Variants in MRPL34 observed in about 807,000 individuals in gnomAD.
MRPL34 encodes the protein mitochondrial ribosomal protein L34.
In MRPL34, 8 loss-of-function variants were observed where a neutral mutation model predicts 6.7. That is an observed-to-expected ratio of 1.20 (90% CI 0.70 to 2.16). MRPL34 has a LOEUF of 2.16. Among genes scored for constraint, MRPL34 ranks in the 30% most tolerant of loss-of-function variants. MRPL34 has a pLI of 0.00. For missense variants in MRPL34, 146 were observed against 125.5 expected (o/e 1.16, Z -0.78); for synonymous variants, 59 against 55.1 (o/e 1.07, Z -0.31).
At chr19:17,292,608 G>A (rs1272402403), upstream of MRPL34, 4 of 1,538,978 alleles carry the variant, frequency 2.6e-6, no homozygotes, top group African/African-American at 1.4e-5. Context: ...GCAGGCTCGG[G>A]CCTCCTCCTG....
upstream of MRPL34, chr19:17,301,356 A>G (rs2074117331): frequency 1.2e-6 from 2 of 1,610,012 alleles, no homozygotes; most frequent in African/African-American, 1.3e-5. Flanking sequence ...GCAACCGCCC[A>G]TTGCGGTACA....
chr19:17,295,242 A>G (rs2074088758), intron 1 of MRPL34, among the ~76,000 whole-genome samples: 1 of 151,868 alleles, frequency 6.6e-6, no homozygotes, highest in Non-Finnish European at 1.5e-5. Context: ...AGTAGCTGGG[A>G]CTACAGGCGC....
At chr19:17,294,157 C>G (rs2074082778) in intron 1 of MRPL34, 1 of 1,161,618 alleles carries the variant, frequency 8.6e-7, no homozygotes, top group Admixed American at 2.5e-5. Context: ...GCCACGCCCA[C>G]CCGGCAGCCA....
upstream of MRPL34, among the ~76,000 whole-genome samples, chr19:17,299,427 A>G (rs1406321937): frequency 2.0e-5 from 3 of 151,932 alleles, no homozygotes; most frequent in Non-Finnish European, 4.4e-5. Context: ...CAGGCATGGT[A>G]GCGGGTGCCT....
upstream of MRPL34, chr19:17,301,393 A>G: frequency 3.1e-6 from 5 of 1,611,850 alleles, no homozygotes; most frequent in Non-Finnish European, 4.2e-6. Context: ...ACAGCGGACC[A>G]AGCCGGAGAG....
chr19:17,292,902 C>A, intron 1 of MRPL34: 1 of 1,506,926 alleles, frequency 6.6e-7, no homozygotes, highest in South Asian at 1.2e-5. Flanking sequence ...CCCTGGGACT[C>A]CGCCATACAC....
intron 1 of MRPL34, among the ~76,000 whole-genome samples, chr19:17,295,250 C>T (rs868437962): frequency 1.3e-5 from 2 of 151,918 alleles, no homozygotes; most frequent in Admixed American, 6.6e-5. Context: ...GGACTACAGG[C>T]GCCCGCCACC....
chr19:17,299,240 C>CCT (rs149212694), upstream of MRPL34, among the ~76,000 whole-genome samples: 1 of 147,918 alleles, frequency 6.8e-6, no homozygotes, highest in Non-Finnish European at 1.5e-5. Flanking sequence ...TGAGACCCCC[C>CCT]CCCCATTCTC....
upstream of MRPL34, chr19:17,302,840 A>T (rs1479850505): frequency 2.0e-5 from 3 of 152,026 alleles, no homozygotes; most frequent in Non-Finnish European, 4.4e-5. Context: ...AGGGGGGGAT[A>T]CCCGAGCAGT....
Position 17,294,501 on chromosome 19 carries a change from G to T in MRPL34, c.214+1647G>T, listed in dbSNP as rs370502455. ...CCTTGGCTCCTTGGCGGGCGAAGCC[G>T]GCCCTGGTGGTGGTGGAGGCACCGC... On this transcript the variant is annotated intron_variant, in intron 1 of 2. Transcript: ENST00000595444. 2.5e-6 allele frequency: 4 copies of T among 1,613,640 alleles called. No individual in the cohort carries two copies. In the Admixed American group the frequency reaches 5.0e-5, roughly 20 times the overall value.
In MRPL34 at chr19:17,306,360, G is replaced by T. The variant is rs550266179; in HGVS notation, c.260G>T (p.Arg87Leu). The T allele has an allele frequency of 5.6e-6, 9 of 1,601,636 alleles. No homozygotes were observed. The highest frequency in any genetic ancestry group is 7.7e-6 in the Non-Finnish European group (9 of 1,175,656). ...QVILRRMLKG[R>L]KSLSH ...ATCCTTCGCCGAATGCTCAAGGGCC[G>T]CAAGTCGCTGAGCCATTGAGGATCG... Residue 87 changes from arginine to leucine, a missense_variant, in exon 2 of 2, where the codon CGC becomes CTC. Arg to Leu is a moderately radical substitution (Grantham distance 102). Coordinates refer to ENST00000252602, the MANE Select transcript of MRPL34 (RefSeq NM_023937.4).
intron 1 of MRPL34, chr19:17,294,618 G>C: frequency 6.2e-7 from 1 of 1,607,888 alleles, no homozygotes; most frequent in South Asian, 1.1e-5. Flanking sequence ...TCCAACTCGA[G>C]CAGATGCCTG....
chr19:17,301,327 C>T (rs755787357), upstream of MRPL34: 5 of 1,607,854 alleles, frequency 3.1e-6, no homozygotes, highest in Non-Finnish European at 3.4e-6. Flanking sequence ...TCGAGGGGCT[C>T]GGCCCAGGTT....
upstream of MRPL34, chr19:17,298,046 C>A (rs2074101346): frequency 6.6e-6 from 1 of 151,966 alleles, no homozygotes; most frequent in Admixed American, 6.6e-5. Context: ...TCCTGAGTAG[C>A]TGGGACTACA....
At chr19:17,297,812 T>A (rs1168317172) in intron 1 of MRPL34, 1 of 151,564 alleles carries the variant, frequency 6.6e-6, no homozygotes, top group Non-Finnish European at 1.5e-5. Context: ...CCCAGGTTGG[T>A]CTTGAACTCC....
chr19:17,303,289 G>T (rs1054970257), upstream of MRPL34: 5 of 152,294 alleles, frequency 3.3e-5, no homozygotes, highest in African/African-American at 4.8e-5. Context: ...GGTCCCAGGC[G>T]GAGAAGCCAG....
At chr19:17,303,989 G>A (rs533789266), upstream of MRPL34, among the ~76,000 whole-genome samples, 11 of 151,170 alleles carry the variant, frequency 7.3e-5, no homozygotes, top group Non-Finnish European at 5.9e-5. Context: ...TGGTAGGGAC[G>A]AGGTCTCGCT....
intron 1 of MRPL34, chr19:17,294,707 G>A: frequency 2.5e-6 from 4 of 1,614,164 alleles, no homozygotes; most frequent in Middle Eastern, 1.7e-4. Context: ...AGGGCGACAA[G>A]CAGTGCAGGA....
intron 1 of MRPL34, among the ~76,000 whole-genome samples, chr19:17,296,002 C>T (rs2074092405): frequency 6.6e-6 from 1 of 150,658 alleles, no homozygotes; most frequent in South Asian, 2.1e-4. Flanking sequence ...TGAGCCGTGA[C>T]ACCCGGCCTG....
Sources: gnomAD v4.1 joint callset for allele counts (sites outside exome capture counted in the v4.1 genomes callset) on GRCh38, gnomAD v4.1.1 for gene constraint, MANE v1.5 for transcripts, NCBI Gene and HGNC (gene_info 2026-07-23, HGNC 2026-07-21) for gene names.